The following FAM13C variants were observed in gnomAD, a reference collection of about 807,000 sequenced individuals.
FAM13C encodes protein FAM13C.
A neutral mutation model predicts 73.2 loss-of-function variants in FAM13C; 37 were observed. The ratio of observed to expected loss-of-function variants is 0.51; its 90% CI spans 0.39 to 0.67. The LOEUF is 0.67. Ranked by LOEUF, FAM13C falls within the 30% of genes least tolerant of loss-of-function variation. The pLI is 0.00. For missense variants in FAM13C, 589 were observed against 715.6 expected, an observed-to-expected ratio of 0.82 and a Z score of 2.02; for synonymous variants, 246 against 260.9, an observed-to-expected ratio of 0.94 and a Z score of 0.55.
Position 59,247,667 on chromosome 10 carries a change from G to C in FAM13C, c.1705C>G (p.Leu569Val). ...YYEYKHIKAKLRLLEVLISKQ... is the reference protein window; with the variant it reads ...YYEYKHIKAKVRLLEVLISKQ... ...CTGATGAGGACCTCTAATAGTCTCA[G>C]TTTGGCTTTTATGTGCTTATATTCA... Residue 569 changes from leucine (L) to valine (V), a missense_variant, in exon 14 of 14, where the codon CTG becomes GTG. Transcript: ENST00000618804. 2 of 1,613,412 alleles carry C rather than the reference G, an allele frequency of 1.2e-6. No individual in the cohort carries two copies. The highest frequency in any genetic ancestry group is 8.5e-7 in the Non-Finnish European group (1 of 1,179,634).
intron 5 of FAM13C, among the ~76,000 whole-genome samples, chr10:59,284,060 A>G (rs1439250227): frequency 7.3e-6 from 1 of 137,494 alleles, no homozygotes; most frequent in Non-Finnish European, 1.5e-5. Context: ...TGTGTCTTCT[A>G]AAGTTACTTC....
chr10:59,304,795 GAAGGGAAGGGAAGGGAAGGA>G (rs1358397525), intron 4 of FAM13C, among the ~76,000 whole-genome samples: 5 of 104,824 alleles, frequency 4.8e-5, no homozygotes, highest in African/African-American at 1.7e-4. Context: ...GAAGGGAAGG[GAAGGGAAGGGAAGGGAAGGA>G]AAGGGGAAGG....
Position 59,324,031 on chromosome 10 carries a change from T to C in FAM13C, c.400A>G (p.Asn134Asp). 1 of 1,614,082 alleles carries C rather than the reference T, an allele frequency of 6.2e-7. No individual in the cohort carries two copies. Among genetic ancestry groups the C allele is most frequent in the Admixed American group, 1.7e-5 (1 of 60,004 alleles). ...AGTPAHESPQ[N>D]NAFKCQETVR... is the part of the protein sequence containing the mutation. ...GTTTCTTGGCACTTGAAGGCATTGT[T>C]TTGTGGACTCTCATGAGCTGGTGTT... The change falls in exon 4 of 14, where the codon AAC (asparagine) becomes GAC (aspartate). Residue 134 changes from asparagine (N) to aspartate (D), a missense_variant. Asn to Asp is a conservative substitution (Grantham distance 23, BLOSUM62 1). Transcript: ENST00000618804.
At chr10:59,348,173 A>G (rs1040913749) in intron 3 of FAM13C, among the ~76,000 whole-genome samples, 13 of 152,204 alleles carry the variant, frequency 8.5e-5, no homozygotes, top group Admixed American at 7.9e-4. Flanking sequence ...CTTTAAATTT[A>G]TAAAGGTTAT....
intron 3 of FAM13C, among the ~76,000 whole-genome samples, chr10:59,350,613 T>C (rs1397066318): frequency 6.6e-6 from 1 of 152,206 alleles, no homozygotes; most frequent in Non-Finnish European, 1.5e-5. Flanking sequence ...AGAGTTACAC[T>C]CTGTTTAAGA....
intron 11 of FAM13C, among the ~76,000 whole-genome samples, chr10:59,253,466 T>C (rs1172771538): frequency 1.3e-5 from 2 of 152,138 alleles, no homozygotes; most frequent in Admixed American, 6.5e-5. Context: ...ACTCAGTAAA[T>C]TGACAAGTTC....
intron 3 of FAM13C, among the ~76,000 whole-genome samples, chr10:59,348,420 C>T (rs1029046379): frequency 1.3e-5 from 2 of 152,228 alleles, no homozygotes; most frequent in African/African-American, 4.8e-5. Flanking sequence ...TGAAATAGTT[C>T]TATCAAATTC....
intron 8 of FAM13C, among the ~76,000 whole-genome samples, chr10:59,267,931 T>C (rs1843244844): frequency 6.6e-6 from 1 of 152,194 alleles, no homozygotes; most frequent in Non-Finnish European, 1.5e-5. Flanking sequence ...CACTTACCTA[T>C]GACCCTATTG....
chr10:59,256,782 G>T, intron 10 of FAM13C, among the ~76,000 whole-genome samples: 1 of 152,170 alleles, frequency 6.6e-6, no homozygotes, highest in East Asian at 1.9e-4. Context: ...GGTAAGCTCT[G>T]CAGGATACCC....
chr10:59,287,374 G>T (rs1204359371), intron 5 of FAM13C, among the ~76,000 whole-genome samples: 2 of 142,936 alleles, frequency 1.4e-5, no homozygotes, highest in Non-Finnish European at 3.0e-5. Flanking sequence ...AAAGTTAAAT[G>T]GTAAATTTTA....
chr10:59,307,146 C>G (rs1054450069), intron 4 of FAM13C, among the ~76,000 whole-genome samples: 1 of 151,634 alleles, frequency 6.6e-6, no homozygotes, highest in Non-Finnish European at 1.5e-5. Context: ...ATATTTGAAG[C>G]TTGAGGTGAG....
chr10:59,297,966 C>G (rs751778093), intron 5 of FAM13C, among the ~76,000 whole-genome samples: 3 of 152,078 alleles, frequency 2.0e-5, no homozygotes, highest in Non-Finnish European at 4.4e-5. Context: ...TCTTAGCTAC[C>G]TTGAAATCCC....
At chr10:59,361,851 G>A (rs2132247691) in intron 1 of FAM13C, among the ~76,000 whole-genome samples, 1 of 152,198 alleles carries the variant, frequency 6.6e-6, no homozygotes, top group African/African-American at 2.4e-5. Context: ...ATAGGACTAG[G>A]TGACTCATTC....
intron 3 of FAM13C, among the ~76,000 whole-genome samples, chr10:59,338,283 T>TC (rs1853012853): frequency 6.6e-6 from 1 of 152,058 alleles, no homozygotes; most frequent in South Asian, 2.1e-4. Context: ...TCTCACTGTT[T>TC]CCCCAGGACA....
intron 4 of FAM13C, among the ~76,000 whole-genome samples, chr10:59,311,796 GA>G (rs1227567035): frequency 6.6e-6 from 1 of 152,124 alleles, no homozygotes; most frequent in Admixed American, 6.6e-5. Context: ...GGATAAGTCT[GA>G]GATACTGCCT....
chr10:59,360,317 C>A (rs1459999), intron 1 of FAM13C, among the ~76,000 whole-genome samples: 1 of 152,146 alleles, frequency 6.6e-6, no homozygotes, highest in Admixed American at 6.5e-5. Context: ...GAAATCATCT[C>A]TAGGTGAAAT....
At chr10:59,290,827 T>C (rs1480953729) in intron 5 of FAM13C, among the ~76,000 whole-genome samples, 1 of 152,216 alleles carries the variant, frequency 6.6e-6, no homozygotes, top group African/African-American at 2.4e-5. Context: ...CCATTGTATC[T>C]GAGTTTTGTC....
At position 59,308,048 on chromosome 10, in the gene FAM13C, G is replaced by A. The variant is rs544918729; in HGVS notation, c.444-5184C>T. Among the ~76,000 whole-genome samples the A allele has an allele frequency of 1.2e-4, 18 of 152,072 alleles. No individual in the cohort carries two copies. The South Asian group carries it at 2.9e-3, about 25-fold the overall frequency. The stretch of plus-strand genomic sequence containing the variant: ...GAAGCTGGCCTACACACAAAAACTC[G>A]GTCACACTGAACACTCCCTCCAATT... On this transcript the variant is annotated intron_variant, in intron 4 of 13. Coordinates refer to ENST00000618804, the MANE Select transcript of FAM13C (RefSeq NM_198215.4).
chr10:59,309,602 A>C (rs559427944), intron 4 of FAM13C, among the ~76,000 whole-genome samples: 2 of 152,148 alleles, frequency 1.3e-5, no homozygotes, highest in Admixed American at 1.3e-4. Flanking sequence ...TAAGTAACTC[A>C]TTCATACTTT....
Sources: gnomAD v4.1 joint callset for allele counts (sites outside exome capture counted in the v4.1 genomes callset) on GRCh38, gnomAD v4.1.1 for gene constraint, MANE v1.5 for transcripts, NCBI Gene and HGNC (gene_info 2026-07-23, HGNC 2026-07-21) for gene names.